The following EMB variants were observed in gnomAD, a reference collection of about 807,000 sequenced individuals.
The protein encoded by EMB is embigin.
In EMB, 31 loss-of-function variants were observed where a neutral mutation model predicts 41.4. The ratio of observed to expected loss-of-function variants is 0.75; its 90% CI spans 0.56 to 1.01. EMB has a LOEUF of 1.01. Ranked by LOEUF, EMB falls within the 50% of genes least tolerant of loss-of-function variation. The probability of loss-of-function intolerance (pLI) is 0.00; values close to 1 mark genes in which losing one functional copy is unlikely to be tolerated. For synonymous variants in EMB, 137 were observed against 140.4 expected, an observed-to-expected ratio of 0.98 and a Z score of 0.17; for missense variants, 379 against 388.3, an observed-to-expected ratio of 0.98 and a Z score of 0.20.
At chr5:50,421,573 C>T (rs1745523982) in intron 2 of EMB, among the ~76,000 whole-genome samples, 1 of 152,094 alleles carries the variant, frequency 6.6e-6, no homozygotes, top group Admixed American at 6.5e-5. Context: ...ATCAATCATG[C>T]TTCTATAAAG....
rs113661362 is a variant in EMB, at chr5:50,398,519, C to T, written c.*754G>A. ...AGTATTACGACTATATGGACCTGCA[C>T]CCTAAAACATAAACAATGGTGTACC... On this transcript the variant is annotated 3_prime_UTR_variant, in exon 9 of 9. Coordinates refer to ENST00000303221, the MANE Select transcript of EMB (RefSeq NM_198449.3). 6.6e-6 allele frequency: 1 copy of T among 151,864 alleles called. No individual in the cohort carries two copies. Among genetic ancestry groups the T allele is most frequent in the South Asian group, 2.1e-4 (1 of 4,826 alleles). 9.4% of individuals were successfully genotyped at this position (151,864 alleles called of 1,614,324 possible). A position where few individuals can be genotyped will look rare whatever the true frequency, so the allele number is the denominator to read the frequency against.
In EMB at chr5:50,441,053, G is replaced by C; in HGVS notation, c.99C>G (p.Asp33Glu). 6.6e-7 allele frequency: 1 copy of C among 1,508,240 alleles called. No individual in the cohort carries two copies. The highest frequency in any genetic ancestry group is 8.9e-7 in the Non-Finnish European group (1 of 1,128,806). The allele number at this position is 1,508,240 out of a possible 1,614,324, so 93.4% of individuals were successfully genotyped here. Residue 33 changes from aspartate (D) to glutamate (E), a missense_variant, in exon 1 of 9, where the codon GAC (aspartate) becomes GAG (glutamate). Asp to Glu is a conservative substitution (Grantham distance 45). Transcript: ENST00000303221. ...LLAAARPSSA[D>E]GSAPDSPFTS... ...TACCCATCACACCTGGGGCACTGCC[G>C]TCCGCCGAGCTTGGGCGCGCGGCAG...
intron 2 of EMB, among the ~76,000 whole-genome samples, chr5:50,422,621 T>C (rs1745543130): frequency 6.6e-6 from 1 of 152,062 alleles, no homozygotes; most frequent in Non-Finnish European, 1.5e-5. Context: ...AACTATATCA[T>C]AAATGGGTTA....
rs112353845 is a variant in EMB, at chr5:50,412,701, C to T, written c.197-1318G>A. 6.4e-3 allele frequency among the ~76,000 whole-genome samples: 972 copies of T among 151,940 alleles called. 16 individuals are homozygous for T. The highest frequency in any genetic ancestry group is 0.022 in the African/African-American group (914 of 41,462). ...GTTATTAAATACGCTTTTTGTTTTGCTAATCTATCTTTTGTCAGTTTAATT... is the reference window on the plus strand; with the variant it reads ...GTTATTAAATACGCTTTTTGTTTTGTTAATCTATCTTTTGTCAGTTTAATT... On this transcript the variant is annotated intron_variant, in intron 2 of 8. Transcript: ENST00000303221.
In EMB at chr5:50,399,076, T is replaced by C; in HGVS notation, c.*197A>G. The C allele has an allele frequency of 3.3e-6, 2 of 597,778 alleles. No individual in the cohort carries two copies. The highest frequency in any genetic ancestry group is 8.0e-5 in the South Asian group (2 of 25,104). The allele number at this position is 597,778 out of a possible 1,614,324, so 37.0% of individuals were successfully genotyped here. A position where few individuals can be genotyped will look rare whatever the true frequency, so the allele number is the denominator to read the frequency against. ...TATTTATTCTGATTTACATTGCTTTTATGTAACATAATTACAGAATGAAAA... is the reference window on the plus strand; with the variant it reads ...TATTTATTCTGATTTACATTGCTTTCATGTAACATAATTACAGAATGAAAA... On this transcript the variant is annotated 3_prime_UTR_variant, in exon 9 of 9. Transcript: ENST00000303221.
chr5:50,415,196 C>T (rs1034340126), intron 2 of EMB, among the ~76,000 whole-genome samples: 1 of 152,088 alleles, frequency 6.6e-6, no homozygotes, highest in Non-Finnish European at 1.5e-5. Flanking sequence ...TTTTATCCAA[C>T]CCTCCTATTA....
chr5:50,412,240 C>CCA (rs373420424), intron 2 of EMB, among the ~76,000 whole-genome samples: 23,574 of 134,706 alleles, frequency 0.18, 2,591 homozygotes, highest in African/African-American at 0.37. Context: ...CACACACACA[C>CCA]CACACACACA....
chr5:50,440,268 T>C (rs1463533664), intron 1 of EMB, among the ~76,000 whole-genome samples: 1 of 152,176 alleles, frequency 6.6e-6, no homozygotes, highest in South Asian at 2.1e-4. Context: ...GTGAGGTGGC[T>C]CACGCCTGTA....
chr5:50,411,038 TA>T (rs1320157648), intron 3 of EMB, 73 bp from the exon 4 acceptor site: 1 of 1,252,268 alleles, frequency 8.0e-7, no homozygotes, highest in African/African-American at 1.6e-5. Context: ...ACTTAGCCAT[TA>T]ATAAAAATTT....
chr5:50,406,700 AT>A (rs557763836), intron 4 of EMB, among the ~76,000 whole-genome samples: 31 of 151,622 alleles, frequency 2.0e-4, no homozygotes, highest in African/African-American at 6.5e-4. Context: ...TATTTTGTTA[AT>A]TTTTTTCTTT....
intron 2 of EMB, among the ~76,000 whole-genome samples, chr5:50,424,464 G>T (rs879654526): frequency 6.6e-6 from 1 of 152,178 alleles, no homozygotes; most frequent in Non-Finnish European, 1.5e-5. Flanking sequence ...TTGAACACCA[G>T]TAGGAGGGAG....
At chr5:50,420,557 T>C (rs1745502659) in intron 2 of EMB, among the ~76,000 whole-genome samples, 1 of 152,196 alleles carries the variant, frequency 6.6e-6, no homozygotes. Flanking sequence ...TCTATCACAC[T>C]TCCTTTATAT....
intron 1 of EMB, chr5:50,428,513 T>C (rs1745660219): frequency 9.5e-7 from 1 of 1,049,942 alleles, no homozygotes; most frequent in Admixed American, 5.3e-5. Flanking sequence ...TATTATAGTT[T>C]CTTTACAAAA....
intron 4 of EMB, among the ~76,000 whole-genome samples, chr5:50,408,503 G>C (rs946349890): frequency 6.6e-6 from 1 of 151,904 alleles, no homozygotes; most frequent in Non-Finnish European, 1.5e-5. Flanking sequence ...TTACAACTTT[G>C]TAGTAGTAAA....
At chr5:50,423,259 C>G (rs113800331) in intron 2 of EMB, among the ~76,000 whole-genome samples, 4 of 152,202 alleles carry the variant, frequency 2.6e-5, no homozygotes, top group African/African-American at 9.6e-5. Flanking sequence ...CATGCACACA[C>G]ACACATACAC....
At chr5:50,401,957 C>G (rs529393818) in intron 7 of EMB, among the ~76,000 whole-genome samples, 1 of 151,908 alleles carries the variant, frequency 6.6e-6, no homozygotes, top group Non-Finnish European at 1.5e-5. Flanking sequence ...CTGATGGTTA[C>G]TGCACACCTT....
At chr5:50,405,499 C>T (rs1212925011) in intron 5 of EMB, among the ~76,000 whole-genome samples, 1 of 151,880 alleles carries the variant, frequency 6.6e-6, no homozygotes, top group Non-Finnish European at 1.5e-5. Context: ...AAACTACCAG[C>T]TAATGAAACG....
chr5:50,405,524 ATATG>A (rs1291026683), intron 5 of EMB, among the ~76,000 whole-genome samples, 197 bp downstream of exon 5: 1 of 152,008 alleles, frequency 6.6e-6, no homozygotes, highest in Non-Finnish European at 1.5e-5. Context: ...GAGTATCTTC[ATATG>A]TATAACGTAA....
chr5:50,441,669 G>A (rs1745918569), upstream of EMB, among the ~76,000 whole-genome samples: 1 of 152,190 alleles, frequency 6.6e-6, no homozygotes, highest in Non-Finnish European at 1.5e-5. Flanking sequence ...GCAGGTGTAA[G>A]GTTTTATCCA....
Sources: allele counts gnomAD v4.1 joint callset (sites outside exome capture counted in the v4.1 genomes callset), GRCh38; gene constraint gnomAD v4.1.1; transcripts MANE v1.5; gene names NCBI Gene and HGNC (gene_info 2026-07-23, HGNC 2026-07-21).